The following ICE1 variants were observed in gnomAD, a reference collection of about 807,000 sequenced individuals.
ICE1 encodes the protein little elongation complex subunit 1.
In ICE1, 64 loss-of-function variants were observed where a neutral mutation model predicts 192.7. That is an observed-to-expected ratio of 0.33 (90% CI 0.27 to 0.41). ICE1 has a LOEUF of 0.41. ICE1 is among the 10% of genes least tolerant of loss of function. ICE1 has a pLI of 1.00. For synonymous variants in ICE1, 1,010 were observed against 984.5 expected (o/e 1.03, Z -0.49); for missense variants, 2,708 against 2,696.0 (o/e 1.00, Z -0.10).
intron 12 of ICE1, among the ~76,000 whole-genome samples, chr5:5,459,597 A>T (rs962116363): frequency 2.0e-5 from 3 of 152,144 alleles, no homozygotes; most frequent in Admixed American, 1.3e-4. Flanking sequence ...TGAGGAAAGG[A>T]GATTGAAAAG....
Position 5,464,359 on chromosome 5 carries a change from C to G in ICE1, c.5025C>G (p.Thr1675=). The G allele has an allele frequency of 1.2e-6, 2 of 1,613,776 alleles. No individual in the cohort carries two copies. The highest frequency in any genetic ancestry group is 1.7e-6 in the Non-Finnish European group (2 of 1,179,842). Residue 1675 remains threonine, a synonymous_variant, in exon 13 of 19, where the codon ACC becomes ACG. Transcript: ENST00000296564. This position sits in a 1 kb window ranked among gnomAD's most constrained non-coding sequence, Gnocchi z 4.0. The part of the protein sequence containing the change: ...PVGQVSPFRE[T]PVPPAMSPWP... ...GCCAGGTTTCTCCCTTCCGTGAAAC[C>G]CCAGTGCCTCCTGCCATGTCTCCAT...
At chr5:5,443,323 T>C in intron 6 of ICE1, 79 bp downstream of exon 6, 1 of 757,650 alleles carries the variant, frequency 1.3e-6, no homozygotes, top group Non-Finnish European at 2.1e-6. Context: ...TAGTGTTTTT[T>C]TTTTTACAGT....
rs765143303 is a variant in ICE1 at position 5,489,289 on chromosome 5, C to T, written c.6760C>T (p.Leu2254=). Residue 2254 remains leucine (L), a synonymous_variant, in exon 19 of 19, where the codon CTA becomes TTA. Coordinates refer to ENST00000296564, the MANE Select transcript of ICE1 (RefSeq NM_015325.3). ...CGTTCCGTCTGCGATTGTCAGCTGC[C>T]TAGAGGAAGTCAGTGCCCTGAGCAC... ...KSVPSAIVSC[L]EEVSALSTEE... 78 of 1,613,446 alleles carry T rather than the reference C, an allele frequency of 4.8e-5. No individual in the cohort carries two copies. Among genetic ancestry groups the T allele is most frequent in the Non-Finnish European group, 6.3e-5 (74 of 1,179,754 alleles).
chr5:5,489,273 T>C lies in ICE1; in HGVS notation c.6744T>C (p.Ser2248=), dbSNP rs2111411333. 1 of 1,613,772 alleles carries C rather than the reference T, an allele frequency of 6.2e-7. No individual in the cohort carries two copies. ...WRREASKSVP[S]AIVSCLEEVS... is the part of the protein sequence containing the mutation. ...GAGAGGCCTCCAAAAGCGTTCCGTC[T>C]GCGATTGTCAGCTGCCTAGAGGAAG... The change falls in exon 19 of 19, where the codon TCT becomes TCC. Residue 2248 remains serine (S), a synonymous_variant. Transcript: ENST00000296564.
chr5:5,426,972 A>G (rs892167517), intron 1 of ICE1, among the ~76,000 whole-genome samples: 1 of 152,224 alleles, frequency 6.6e-6, no homozygotes, highest in Non-Finnish European at 1.5e-5. Flanking sequence ...ATGGTAGGCA[A>G]CCATATTGGT....
At chr5:5,441,511 T>C (rs2111348235) in intron 5 of ICE1, among the ~76,000 whole-genome samples, 1 of 152,356 alleles carries the variant, frequency 6.6e-6, no homozygotes, top group Admixed American at 6.5e-5. Context: ...TCTGCATTAA[T>C]TGATTTTTAT....
chr5:5,454,156 T>C (rs1040057653), intron 10 of ICE1, among the ~76,000 whole-genome samples: 1 of 152,166 alleles, frequency 6.6e-6, no homozygotes, highest in Non-Finnish European at 1.5e-5. Flanking sequence ...AGAGCCCAGA[T>C]CCCTTATCAG....
At chr5:5,441,006 C>T (rs1738032310) in intron 4 of ICE1, 106 bp from the exon 5 acceptor site, 3 of 668,036 alleles carry the variant, frequency 4.5e-6, no homozygotes, top group Admixed American at 5.9e-5. Flanking sequence ...CTTTTTCATC[C>T]TTTTTTTTGT....
chr5:5,440,896 G>A (rs1738026880), intron 4 of ICE1, among the ~76,000 whole-genome samples: 2 of 148,986 alleles, frequency 1.3e-5, no homozygotes, highest in Admixed American at 6.7e-5. Context: ...GTGAGACCCT[G>A]ACTAACAAAA....
chr5:5,436,471 T>A lies in ICE1; in HGVS notation c.138T>A (p.Asn46Lys). The A allele has an allele frequency of 6.8e-7, 1 of 1,470,458 alleles. No homozygotes were observed. The highest frequency in any genetic ancestry group is 9.1e-7 in the Non-Finnish European group (1 of 1,099,680). The allele number at this position is 1,470,458 out of a possible 1,614,324, so 91.1% of individuals were successfully genotyped here. A position where few individuals can be genotyped will look rare whatever the true frequency, so the allele number is the denominator to read the frequency against. Reference sequence around the variant, plus strand: ...TTACCTTGAAACAAAAAATTATCAATACAGAGTAAGTATATTTGCATGTCG... The same window carrying A: ...TTACCTTGAAACAAAAAATTATCAAAACAGAGTAAGTATATTTGCATGTCG... ...ALITLKQKII[N>K]TDNLLTEYQK... Residue 46 changes from asparagine (N) to lysine (K), a missense_variant, in exon 2 of 19, where the codon AAT becomes AAA. Asn to Lys is a moderately conservative substitution (Grantham distance 94). Around this residue, in one of 2 missense-constraint regions of ICE1, gnomAD observed 2,366 missense variants for 2,276.6 expected, o/e 1.04. Coordinates refer to ENST00000296564, the MANE Select transcript of ICE1 (RefSeq NM_015325.3).
At chr5:5,453,436 C>G (rs1738485324) in intron 10 of ICE1, among the ~76,000 whole-genome samples, 2 of 152,100 alleles carry the variant, frequency 1.3e-5, no homozygotes, top group African/African-American at 4.8e-5. Context: ...TTAAGTAGAG[C>G]TAATCTCTTA....
intron 17 of ICE1, among the ~76,000 whole-genome samples, chr5:5,485,955 CAT>C (rs1739628641): frequency 6.6e-6 from 1 of 152,202 alleles, no homozygotes; most frequent in African/African-American, 2.4e-5. Context: ...TCCAGTTAGC[CAT>C]AGTTTGTCAG....
chr5:5,470,691 T>A (rs1429929007), intron 15 of ICE1, among the ~76,000 whole-genome samples: 3 of 152,162 alleles, frequency 2.0e-5, no homozygotes, highest in African/African-American at 7.2e-5. Flanking sequence ...ATTGGCCACA[T>A]GAAAACATTC....
At chr5:5,431,035 C>T (rs1040647251) in intron 1 of ICE1, among the ~76,000 whole-genome samples, 1 of 152,046 alleles carries the variant, frequency 6.6e-6, no homozygotes, top group Non-Finnish European at 1.5e-5. Flanking sequence ...AGTTTCGAGG[C>T]AGGGGAGAGG....
chr5:5,447,533 C>T (rs1196215924), intron 8 of ICE1, 24 bp downstream of exon 8: 5 of 1,512,620 alleles, frequency 3.3e-6, no homozygotes, highest in Non-Finnish European at 4.5e-6. Context: ...GCAGCATACA[C>T]ACACCTTAAA....
intron 15 of ICE1, 69 bp downstream of exon 15, chr5:5,469,057 G>A: frequency 8.8e-7 from 1 of 1,131,736 alleles, no homozygotes; most frequent in Non-Finnish European, 1.2e-6. Context: ...TTATTTTGTT[G>A]TGTATTTAGT....
In ICE1 at chr5:5,461,036, C is replaced by A. The variant is rs1420408162; in HGVS notation, c.1702C>A (p.Arg568=). ...SPKSEFTKWT[R]INEITSEPDR... ...CAAATCAGAGTTTACTAAGTGGACA[C>A]GAATTAATGAAATCACTTCTGAACC... The change falls in exon 13 of 19, where the codon CGA becomes AGA. Residue 568 remains arginine, a synonymous_variant. Coordinates refer to ENST00000296564, the MANE Select transcript of ICE1 (RefSeq NM_015325.3). 4.3e-6 allele frequency: 7 copies of A among 1,613,850 alleles called. No homozygotes were observed. Among genetic ancestry groups the A allele is most frequent in the Non-Finnish European group, 5.9e-6 (7 of 1,179,896 alleles).
rs781052316 is a variant in ICE1 at position 5,423,018 on chromosome 5, C to T, written c.84+19C>T. 7 of 1,355,540 alleles carry T rather than the reference C, an allele frequency of 5.2e-6. No homozygotes were observed. The South Asian group carries it at 1.2e-4, about 23-fold the overall frequency. The allele number at this position is 1,355,540 out of a possible 1,614,324, so 84.0% of individuals were successfully genotyped here. A position where few individuals can be genotyped will look rare whatever the true frequency, so the allele number is the denominator to read the frequency against. On this transcript the variant is annotated intron_variant, in intron 1 of 18. Coordinates refer to ENST00000296564, the MANE Select transcript of ICE1 (RefSeq NM_015325.3). ...GCAGCAGGTGCAGCACCTCCCGGGG[C>T]CCCGGGCGCGGGGGGGGACTCGGCT...
intron 1 of ICE1, among the ~76,000 whole-genome samples, chr5:5,425,150 A>G (rs1469889199): frequency 6.6e-6 from 1 of 152,114 alleles, no homozygotes; most frequent in Non-Finnish European, 1.5e-5. Flanking sequence ...CTCTGCCTTC[A>G]TTATTCACCC....
Sources: allele counts gnomAD v4.1 joint callset (sites outside exome capture counted in the v4.1 genomes callset), GRCh38; gene constraint gnomAD v4.1.1; regional missense constraint gnomAD v4.1.1; non-coding constraint Gnocchi (gnomAD v3.1); transcripts MANE v1.5; gene names NCBI Gene and HGNC (gene_info 2026-07-23, HGNC 2026-07-21).